Variants in ZGRF1 observed in about 807,000 individuals in gnomAD.
ZGRF1 encodes zinc finger GRF-type containing 1.
In ZGRF1, 196 loss-of-function variants were observed where a neutral mutation model predicts 203.5. The observed-to-expected ratio is 0.96, with a 90% CI of 0.86 to 1.08. The LOEUF (loss-of-function observed/expected upper bound fraction) is 1.08. Ranked by LOEUF, ZGRF1 falls within the 50% of genes least tolerant of loss-of-function variation. The pLI, the probability that ZGRF1 is intolerant of heterozygous loss-of-function variation, is 0.00. For missense variants in ZGRF1, 2,326 were observed against 2,416.3 expected, an observed-to-expected ratio of 0.96 and a Z score of 0.78; for synonymous variants, 809 against 841.3, an observed-to-expected ratio of 0.96 and a Z score of 0.66.
At chr4:112,584,625 T>C (rs531468583) in intron 14 of ZGRF1, among the ~76,000 whole-genome samples, 1 of 152,312 alleles carries the variant, frequency 6.6e-6, no homozygotes, top group South Asian at 2.1e-4. Context: ...CCCAACAACA[T>C]AGTACGAGCA....
In ZGRF1 at chr4:112,614,453, G is replaced by T. The variant is rs138996749; in HGVS notation, c.2603-1865C>A. ...CTGGCTTCTTGTTTTAGCTTATGTT[G>T]TAAACAATTATCTTTTTCATGGTTG... On this transcript the variant is annotated intron_variant, in intron 6 of 27. Coordinates refer to ENST00000505019, the MANE Select transcript of ZGRF1 (RefSeq NM_018392.5). Among the ~76,000 whole-genome samples the T allele has an allele frequency of 4.7e-3, 713 of 152,296 alleles. 12 individuals are homozygous for T. Among genetic ancestry groups the T allele is most frequent in the African/African-American group, 0.015 (631 of 41,580 alleles).
In ZGRF1 at chr4:112,617,566, T is replaced by C; in HGVS notation, c.2476A>G (p.Ile826Val). 1.2e-6 allele frequency: 2 copies of C among 1,613,326 alleles called. No homozygotes were observed. The highest frequency in any genetic ancestry group is 8.5e-7 in the Non-Finnish European group (1 of 1,179,676). ...SSELSGLVNT[I>V]SILKSLCEHS... ...TCACATAGCGACTTTAAAATAGAAATGGTATTTACTAATCCAGAAAGTTCT... is the reference window on the plus strand; with the variant it reads ...TCACATAGCGACTTTAAAATAGAAACGGTATTTACTAATCCAGAAAGTTCT... Residue 826 changes from isoleucine (I) to valine (V), a missense_variant, in exon 6 of 28, where the codon ATT becomes GTT. By Grantham distance (29) the Ile-to-Val change is conservative. Transcript: ENST00000505019.
At chr4:112,621,520 GT>G (rs1259088358) in intron 4 of ZGRF1, among the ~76,000 whole-genome samples, 4 of 151,614 alleles carry the variant, frequency 2.6e-5, no homozygotes, top group African/African-American at 9.7e-5. Context: ...GGGTGTGGTG[GT>G]GCATGCCTGT....
Position 112,581,815 on chromosome 4 carries a change from T to C in ZGRF1, c.4299-13A>G. On this transcript the variant is annotated splice_polypyrimidine_tract_variant and intron_variant, in intron 15 of 27. Coordinates refer to ENST00000505019, the MANE Select transcript of ZGRF1 (RefSeq NM_018392.5). ...ATCAAATCCTTTTCTGAAAAGGGAATAAAAAATAAAAATGAATTGTAATAT... is the reference window on the plus strand; with the variant it reads ...ATCAAATCCTTTTCTGAAAAGGGAACAAAAAATAAAAATGAATTGTAATAT... The C allele has an allele frequency of 7.9e-7, 1 of 1,264,522 alleles. No individual in the cohort carries two copies. Among genetic ancestry groups the C allele is most frequent in the Non-Finnish European group, 1.1e-6 (1 of 949,696 alleles). The allele number at this position is 1,264,522 out of a possible 1,614,324, so 78.3% of individuals were successfully genotyped here. A position where few individuals can be genotyped will look rare whatever the true frequency, so the allele number is the denominator to read the frequency against.
At chr4:112,629,516 T>G (rs992560386) in intron 3 of ZGRF1, among the ~76,000 whole-genome samples, 1 of 145,054 alleles carries the variant, frequency 6.9e-6, no homozygotes, top group Non-Finnish European at 1.5e-5. Context: ...ACAAAAAATG[T>G]AAAAATTGCC....
rs749765414 is a variant in ZGRF1 at position 112,603,577 on chromosome 4, TA to T, written c.2922del (p.Phe974LeufsTer2). 29 of 1,613,756 alleles carry T rather than the reference TA, an allele frequency of 1.8e-5. No individual in the cohort carries two copies. Among genetic ancestry groups the T allele is most frequent in the Admixed American group, 5.0e-5 (3 of 60,000 alleles). On this transcript the variant is annotated frameshift_variant, in exon 10 of 28. Transcript: ENST00000505019. LOFTEE classifies it high-confidence loss of function. Reference sequence around the variant, plus strand: ...CTAGGTAACTCTGGTGTCTCTGTCATAAAGTTTTCATACTCAGTGCTATCTG... The same window carrying T: ...CTAGGTAACTCTGGTGTCTCTGTCATAAGTTTTCATACTCAGTGCTATCTG... Reference protein sequence around the residue: ...QFPDSTEYENFMTETPELPST... With the variant: ...QFPDSTEYENXMTETPELPST...
At chr4:112,606,170 T>C (rs1215603183) in intron 8 of ZGRF1, 79 bp from the exon 9 acceptor site, 6 of 953,350 alleles carry the variant, frequency 6.3e-6, no homozygotes, top group East Asian at 2.4e-5. Flanking sequence ...GGAAAAATAA[T>C]TGCAAAACTT....
intron 20 of ZGRF1, 53 bp downstream of exon 20, chr4:112,558,097 C>G (rs1364336480): frequency 6.6e-7 from 1 of 1,509,456 alleles, no homozygotes; most frequent in Non-Finnish European, 9.0e-7. Context: ...TGGGTTGCCT[C>G]TCTCAACAAT....
In ZGRF1 at chr4:112,618,150, G is replaced by C. The variant is rs749132725; in HGVS notation, c.1892C>G (p.Thr631Arg). Residue 631 changes from threonine to arginine, a missense_variant, in exon 6 of 28, where the codon ACA (threonine) becomes AGA (arginine). Physicochemically the swap from Thr to Arg is moderately conservative, Grantham distance 71 (BLOSUM62 -1). Coordinates refer to ENST00000505019, the MANE Select transcript of ZGRF1 (RefSeq NM_018392.5). ...ACTATACTCCTCTATTTCTTTTCCT[G>C]TGTTTTCAGTTTTACATATTCCCAT... is the stretch of plus-strand genomic sequence containing the variant. ...FDMGICKTEN[T>R]GKEIEEYSDT... The C allele has an allele frequency of 1.2e-6, 2 of 1,613,564 alleles. No individual in the cohort carries two copies. The highest frequency in any genetic ancestry group is 1.7e-6 in the Non-Finnish European group (2 of 1,179,790).
intron 18 of ZGRF1, among the ~76,000 whole-genome samples, chr4:112,562,083 A>G (rs755470470): frequency 2.0e-5 from 3 of 151,842 alleles, no homozygotes; most frequent in Non-Finnish European, 2.9e-5. Context: ...CTAATTTTGT[A>G]TTTTTAGTAG....
chr4:112,606,386 G>T (rs1474840306), intron 8 of ZGRF1, among the ~76,000 whole-genome samples: 1 of 151,984 alleles, frequency 6.6e-6, no homozygotes, highest in Non-Finnish European at 1.5e-5. Context: ...GTATAACTGG[G>T]TGCAGTGGCT....
intron 3 of ZGRF1, among the ~76,000 whole-genome samples, chr4:112,626,406 T>G (rs1302532863): frequency 6.6e-6 from 1 of 152,178 alleles, no homozygotes; most frequent in African/African-American, 2.4e-5. Flanking sequence ...ATAACAAAAG[T>G]TCTTTCCATA....
chr4:112,562,503 A>G lies in ZGRF1; in HGVS notation c.4583-18T>C, dbSNP rs1230932052. ...GACAACCACTGTACAGAGGATGCAGAAAATAAACATTTGATGTAAATAAAA... is the reference window on the plus strand; with the variant it reads ...GACAACCACTGTACAGAGGATGCAGGAAATAAACATTTGATGTAAATAAAA... On this transcript the variant is annotated intron_variant, in intron 17 of 27. Coordinates refer to ENST00000505019, the MANE Select transcript of ZGRF1 (RefSeq NM_018392.5). 7.0e-7 allele frequency: 1 copy of G among 1,423,414 alleles called. No homozygotes were observed. The highest frequency in any genetic ancestry group is 9.8e-7 in the Non-Finnish European group (1 of 1,017,214). 88.2% of individuals were successfully genotyped at this position (1,423,414 alleles called of 1,614,324 possible).
At chr4:112,590,006 A>G in intron 10 of ZGRF1, 132 bp from the exon 11 acceptor site, 2 of 555,876 alleles carry the variant, frequency 3.6e-6, no homozygotes, top group Non-Finnish European at 6.0e-6. Context: ...TGGTGGGGGC[A>G]ACAACTATAA....
In ZGRF1 at chr4:112,540,869, T is replaced by G; in HGVS notation, c.5862A>C (p.Ala1954=). ...ATGTTATCACACCAATCATAGAGCC[T>G]GCTATTCCACTTGCAATCAGTGATT... ...LIQSLIASGI[A]GSMIGVITLY... Residue 1954 remains alanine (A), a synonymous_variant, in exon 26 of 28, where the codon GCA becomes GCC. Coordinates refer to ENST00000505019, the MANE Select transcript of ZGRF1 (RefSeq NM_018392.5). The G allele has an allele frequency of 6.3e-7, 1 of 1,593,270 alleles. No individual in the cohort carries two copies. The highest frequency in any genetic ancestry group is 8.6e-7 in the Non-Finnish European group (1 of 1,168,606).
intron 3 of ZGRF1, among the ~76,000 whole-genome samples, chr4:112,625,180 T>G (rs1444707396): frequency 6.6e-6 from 1 of 152,194 alleles, no homozygotes; most frequent in Admixed American, 6.5e-5. Context: ...TCCCAACTAC[T>G]TCGGAAGCTA....
chr4:112,554,092 G>A lies in ZGRF1; in HGVS notation c.5199-110C>T. 6 of 889,272 alleles carry A rather than the reference G, an allele frequency of 6.7e-6. No individual in the cohort carries two copies. In the South Asian group the frequency reaches 1.1e-4, roughly 16 times the overall value. 55.1% of individuals were successfully genotyped at this position (889,272 alleles called of 1,614,324 possible). On this transcript the variant is annotated intron_variant, in intron 21 of 27. Transcript: ENST00000505019. Reference sequence around the variant, plus strand: ...TTATACTTTAAGTTTTAGGGTACATGTGCACAATGTGCAGGTTTGTTACAT... The same window carrying A: ...TTATACTTTAAGTTTTAGGGTACATATGCACAATGTGCAGGTTTGTTACAT...
intron 3 of ZGRF1, among the ~76,000 whole-genome samples, chr4:112,630,444 G>A (rs560552482): frequency 6.6e-6 from 1 of 152,104 alleles, no homozygotes; most frequent in African/African-American, 2.4e-5. Flanking sequence ...CCTGAACCTG[G>A]GAGGCAGAGG....
Position 112,563,282 on chromosome 4 carries a change from GACAA to G in ZGRF1, c.4439-12_4439-9del. 6.5e-7 allele frequency: 1 copy of G among 1,546,448 alleles called. No homozygotes were observed. Among genetic ancestry groups the G allele is most frequent in the Non-Finnish European group, 8.7e-7 (1 of 1,143,920 alleles). On this transcript the variant is annotated splice_polypyrimidine_tract_variant and intron_variant, in intron 16 of 27. Coordinates refer to ENST00000505019, the MANE Select transcript of ZGRF1 (RefSeq NM_018392.5). ...AAACCACCCAAAGATCATCTGAAAA[GACAA>G]ACATTTTTAAATATTACACAGACAT...
Sources: allele counts gnomAD v4.1 joint callset (sites outside exome capture counted in the v4.1 genomes callset), GRCh38; gene constraint gnomAD v4.1.1; transcripts MANE v1.5; gene names NCBI Gene and HGNC (gene_info 2026-07-23, HGNC 2026-07-21).